The following ECPAS variants were observed in gnomAD, a reference collection of about 807,000 sequenced individuals.
ECPAS encodes proteasome adapter and scaffold protein ECM29.
In ECPAS, 70 loss-of-function variants were observed where a neutral mutation model predicts 255.1. That is an observed-to-expected ratio of 0.27 (90% CI 0.23 to 0.33). ECPAS has a LOEUF of 0.33. Ranked by LOEUF, ECPAS falls within the 10% of genes least tolerant of loss-of-function variation. The pLI, the probability that ECPAS is intolerant of heterozygous loss-of-function variation, is 1.00. For missense variants in ECPAS, 1,817 were observed against 2,206.4 expected, an observed-to-expected ratio of 0.82 and a Z score of 3.54; for synonymous variants, 784 against 775.0, an observed-to-expected ratio of 1.01 and a Z score of -0.19.
intron 24 of ECPAS, among the ~76,000 whole-genome samples, chr9:111,404,303 G>A (rs1216819723): frequency 6.7e-6 from 1 of 149,570 alleles, no homozygotes; most frequent in Admixed American, 6.6e-5. Flanking sequence ...AAAAACTACA[G>A]AAGTTTAATG....
intron 24 of ECPAS, 37 bp from the exon 25 acceptor site, chr9:111,397,190 C>T: frequency 6.2e-7 from 1 of 1,606,988 alleles, no homozygotes; most frequent in Non-Finnish European, 8.5e-7. Context: ...AATGAGAAAA[C>T]ACATTTCCCA....
intron 2 of ECPAS, among the ~76,000 whole-genome samples, chr9:111,454,462 T>C (rs1279881427): frequency 6.6e-6 from 1 of 151,726 alleles, no homozygotes; most frequent in Non-Finnish European, 1.5e-5. Context: ...CTAAACACAA[T>C]AAAATTATGA....
chr9:111,383,470 A>G (rs1418937876), intron 34 of ECPAS, 138 bp from the exon 35 acceptor site: 25 of 1,176,242 alleles, frequency 2.1e-5, no homozygotes, highest in Non-Finnish European at 2.8e-5. Context: ...ACAGAGACAC[A>G]GAGGAATGAG....
At chr9:111,429,533 G>A (rs1468743990) in intron 9 of ECPAS, among the ~76,000 whole-genome samples, 3 of 152,128 alleles carry the variant, frequency 2.0e-5, no homozygotes, top group Non-Finnish European at 4.4e-5. Context: ...CATGAGGCCA[G>A]GAAAAGTTAT....
chr9:111,483,257 GGTGGCTCC>G (rs1249979075), intron 1 of ECPAS, among the ~76,000 whole-genome samples: 1 of 152,000 alleles, frequency 6.6e-6, no homozygotes, highest in African/African-American at 2.4e-5. Context: ...CGCGGGCAGA[GGTGGCTCC>G]GCCCGGGGCT....
At chr9:111,477,308 C>T (rs543323061) in intron 1 of ECPAS, among the ~76,000 whole-genome samples, 2 of 152,056 alleles carry the variant, frequency 1.3e-5, no homozygotes, top group East Asian at 3.9e-4. Flanking sequence ...ACGGGGGTTT[C>T]ATCATGTTGG....
chr9:111,475,048 T>C (rs1175507267), intron 1 of ECPAS, among the ~76,000 whole-genome samples: 3 of 152,212 alleles, frequency 2.0e-5, no homozygotes, highest in Non-Finnish European at 2.9e-5. Flanking sequence ...TAGCCTCAAA[T>C]ACCATTCTCA....
At chr9:111,390,655 T>C (rs2098158247) in intron 29 of ECPAS, among the ~76,000 whole-genome samples, 1 of 152,224 alleles carries the variant, frequency 6.6e-6, no homozygotes, top group Non-Finnish European at 1.5e-5. Context: ...AACAGTGTAC[T>C]GTGGGGGAAC....
At chr9:111,481,484 C>T (rs1278622621) in intron 1 of ECPAS, among the ~76,000 whole-genome samples, 1 of 151,536 alleles carries the variant, frequency 6.6e-6, no homozygotes, top group African/African-American at 2.4e-5. Flanking sequence ...CCAGTCTGGG[C>T]GACAGAGCAA....
At chr9:111,393,792 A>G (rs1039633007) in intron 26 of ECPAS, 58 bp from the exon 27 acceptor site, 5 of 1,170,002 alleles carry the variant, frequency 4.3e-6, no homozygotes, top group South Asian at 1.3e-5. Flanking sequence ...AGAGAATAAG[A>G]GTCTTGCTCT....
chr9:111,410,625 TC>T (rs909585425), intron 22 of ECPAS, among the ~76,000 whole-genome samples: 1 of 152,134 alleles, frequency 6.6e-6, no homozygotes, highest in Non-Finnish European at 1.5e-5. Flanking sequence ...CCAGTGATTC[TC>T]CCACCTTAGC....
intron 30 of ECPAS, 64 bp downstream of exon 30, chr9:111,389,920 T>C (rs2098156750): frequency 2.4e-6 from 3 of 1,256,254 alleles, no homozygotes; most frequent in Non-Finnish European, 2.3e-6. Flanking sequence ...TGCCACTGTC[T>C]GCCAATGTAG....
chr9:111,363,998 C>A (rs1395191925), intron 48 of ECPAS, among the ~76,000 whole-genome samples: 2 of 152,144 alleles, frequency 1.3e-5, no homozygotes, highest in African/African-American at 4.8e-5. Context: ...TAAGAACGAT[C>A]CTTAGGTCTA....
Position 111,440,531 on chromosome 9 carries a change from C to T in ECPAS, c.390-10G>A. 6.4e-7 allele frequency: 1 copy of T among 1,562,626 alleles called. No individual in the cohort carries two copies. Among genetic ancestry groups the T allele is most frequent in the Non-Finnish European group, 8.7e-7 (1 of 1,146,812 alleles). ...TAAAAGATGCATTAAGCTGAAAAAA[C>T]AATTACATTTATTGCAACTACTTAA... On this transcript the variant is annotated splice_polypyrimidine_tract_variant and intron_variant, in intron 5 of 49. Coordinates refer to ENST00000684092, the MANE Select transcript of ECPAS (RefSeq NM_001364929.1).
At chr9:111,467,117 C>A (rs1454489285) in intron 2 of ECPAS, among the ~76,000 whole-genome samples, 3 of 152,138 alleles carry the variant, frequency 2.0e-5, no homozygotes, top group Non-Finnish European at 4.4e-5. Flanking sequence ...TATTTTCTTA[C>A]AGGACTAGAA....
chr9:111,409,082 C>A (rs1287675748), intron 23 of ECPAS, among the ~76,000 whole-genome samples: 1 of 152,168 alleles, frequency 6.6e-6, no homozygotes, highest in Non-Finnish European at 1.5e-5. Context: ...ATAGAGATGA[C>A]AACTGTGCCT....
chr9:111,401,325 T>G (rs1423563907), intron 24 of ECPAS, among the ~76,000 whole-genome samples: 2 of 151,948 alleles, frequency 1.3e-5, no homozygotes, highest in Non-Finnish European at 2.9e-5. Context: ...CACATATTGG[T>G]AGGACCGTGA....
intron 2 of ECPAS, among the ~76,000 whole-genome samples, chr9:111,453,788 A>ATTCT (rs2098263434): frequency 6.6e-6 from 1 of 152,156 alleles, no homozygotes; most frequent in Non-Finnish European, 1.5e-5. Flanking sequence ...ACTGGGGGAC[A>ATTCT]TTCTATAAGA....
Position 111,360,767 on chromosome 9 carries a change from CAAAAATAATAAACATGGAGTTTCCACG to C in ECPAS, c.*1236_*1262del, listed in dbSNP as rs2098112562. ...AAATACATTGGTCAATAGAGACCAC[CAAAAATAATAAACATGGAGTTTCCACG>C]AAAAATAATAAACATGGAGATTCCT... On this transcript the variant is annotated 3_prime_UTR_variant, in exon 50 of 50. Coordinates refer to ENST00000684092, the MANE Select transcript of ECPAS (RefSeq NM_001364929.1). 1 of 152,066 alleles carries C rather than the reference CAAAAATAATAAACATGGAGTTTCCACG, an allele frequency of 6.6e-6. No homozygotes were observed. The highest frequency in any genetic ancestry group is 2.1e-4 in the South Asian group (1 of 4,816). The allele number at this position is 152,066 out of a possible 1,614,324, so 9.4% of individuals were successfully genotyped here.
Sources: gnomAD v4.1 joint callset for allele counts (sites outside exome capture counted in the v4.1 genomes callset) on GRCh38, gnomAD v4.1.1 for gene constraint, MANE v1.5 for transcripts, NCBI Gene and HGNC (gene_info 2026-07-23, HGNC 2026-07-21) for gene names.